Variants in MAMDC2 observed in about 807,000 individuals in gnomAD.
MAMDC2 encodes MAM domain containing 2.
In MAMDC2, 57 loss-of-function variants were observed where a neutral mutation model predicts 89.8. That is an observed-to-expected ratio of 0.63 (90% CI 0.51 to 0.79). The LOEUF (loss-of-function observed/expected upper bound fraction) is 0.79. MAMDC2 is among the 30% of genes least tolerant of loss of function. MAMDC2 has a pLI of 0.00. For missense variants in MAMDC2, 800 were observed against 820.6 expected, an observed-to-expected ratio of 0.97 and a Z score of 0.31; for synonymous variants, 313 against 293.4, an observed-to-expected ratio of 1.07 and a Z score of -0.68.
intron 11 of MAMDC2, among the ~76,000 whole-genome samples, chr9:70,192,042 C>G (rs911608056): frequency 2.0e-5 from 3 of 152,090 alleles, no homozygotes; most frequent in Non-Finnish European, 4.4e-5. Context: ...GGTTTCTCTG[C>G]CACTTGGCAG....
At chr9:70,095,404 G>T (rs1828004240) in intron 2 of MAMDC2, among the ~76,000 whole-genome samples, 1 of 152,164 alleles carries the variant, frequency 6.6e-6, no homozygotes, top group Non-Finnish European at 1.5e-5. Context: ...TTTGTAAGCT[G>T]GATCAGTGGA....
At chr9:70,184,805 T>C (rs2032716620) in intron 11 of MAMDC2, among the ~76,000 whole-genome samples, 1 of 152,140 alleles carries the variant, frequency 6.6e-6, no homozygotes, top group Non-Finnish European at 1.5e-5. Flanking sequence ...GGTTCTCGGC[T>C]TCCTTGCATT....
intron 9 of MAMDC2, among the ~76,000 whole-genome samples, chr9:70,159,013 GTATA>G (rs2031865614): frequency 6.7e-6 from 1 of 148,402 alleles, no homozygotes; most frequent in East Asian, 2.0e-4. Context: ...GACTGTATAT[GTATA>G]TATATAAACA....
At chr9:70,072,380 T>C (rs918868992) in intron 2 of MAMDC2, among the ~76,000 whole-genome samples, 16 of 152,302 alleles carry the variant, frequency 1.1e-4, no homozygotes, top group Admixed American at 2.6e-4. Flanking sequence ...GAGGCTTCTT[T>C]CCTCAAGGTA....
At chr9:70,216,909 A>G (rs2033457017) in intron 11 of MAMDC2, among the ~76,000 whole-genome samples, 2 of 152,144 alleles carry the variant, frequency 1.3e-5, no homozygotes, top group African/African-American at 4.8e-5. Context: ...TACATGTCCA[A>G]TTTCTGTAGT....
rs148383352 is a variant in MAMDC2 at position 70,185,457 on chromosome 9, C to T, written c.1651+14826C>T. Among the ~76,000 whole-genome samples the T allele has an allele frequency of 3.8e-3, 576 of 152,270 alleles. 2 individuals are homozygous for T. Among genetic ancestry groups the T allele is most frequent in the African/African-American group, 0.013 (549 of 41,560 alleles). ...CAGGATCCACTGTTCTCTTCAGAGCCGGCAGGGAGGGACATTTAAGTCCAC... is the reference window on the plus strand; with the variant it reads ...CAGGATCCACTGTTCTCTTCAGAGCTGGCAGGGAGGGACATTTAAGTCCAC... On this transcript the variant is annotated intron_variant, in intron 11 of 13. Coordinates refer to ENST00000377182, the MANE Select transcript of MAMDC2 (RefSeq NM_153267.5).
chr9:70,139,122 A>T (rs901322108), intron 7 of MAMDC2, among the ~76,000 whole-genome samples: 3 of 150,414 alleles, frequency 2.0e-5, no homozygotes, highest in South Asian at 2.1e-4. Flanking sequence ...TTATTTATTT[A>T]TTATTATTAT....
intron 2 of MAMDC2, among the ~76,000 whole-genome samples, chr9:70,090,102 T>TA (rs1292969019): frequency 1.4e-5 from 2 of 144,426 alleles, no homozygotes; most frequent in South Asian, 2.3e-4. Context: ...ACAACCCAAT[T>TA]AAAAAAATAG....
chr9:70,170,752 G>A, intron 11 of MAMDC2, 121 bp downstream of exon 11: 2 of 873,704 alleles, frequency 2.3e-6, no homozygotes, highest in Non-Finnish European at 3.4e-6. Context: ...AAATGCACTT[G>A]TGATTCTACA....
chr9:70,049,498 T>C (rs1407717711), intron 2 of MAMDC2, among the ~76,000 whole-genome samples: 1 of 152,054 alleles, frequency 6.6e-6, no homozygotes, highest in Non-Finnish European at 1.5e-5. Flanking sequence ...AGACTACAGC[T>C]CCTTTCCTGA....
intron 9 of MAMDC2, among the ~76,000 whole-genome samples, chr9:70,166,422 A>C (rs1170032943): frequency 1.3e-5 from 2 of 151,788 alleles, no homozygotes; most frequent in African/African-American, 2.4e-5. Flanking sequence ...GTCTAACATA[A>C]TTGTTGTAAA....
At chr9:70,178,175 G>T (rs2032554683) in intron 11 of MAMDC2, among the ~76,000 whole-genome samples, 1 of 152,146 alleles carries the variant, frequency 6.6e-6, no homozygotes, top group Non-Finnish European at 1.5e-5. Context: ...ATTTTGTGCT[G>T]CTATAACAGA....
chr9:70,194,635 C>G (rs538016435), intron 11 of MAMDC2: 1 of 152,230 alleles, frequency 6.6e-6, no homozygotes, highest in African/African-American at 2.4e-5. Context: ...AGACTCACAT[C>G]TGCTAATCTC....
At chr9:70,205,044 C>A (rs2033194992) in intron 11 of MAMDC2, among the ~76,000 whole-genome samples, 1 of 152,244 alleles carries the variant, frequency 6.6e-6, no homozygotes, top group South Asian at 2.1e-4. Context: ...GAGCTGTAGA[C>A]CAGAGCTGTT....
intron 9 of MAMDC2, among the ~76,000 whole-genome samples, chr9:70,155,682 A>G (rs368200589): frequency 2.0e-5 from 3 of 152,272 alleles, no homozygotes; most frequent in South Asian, 2.1e-4. Flanking sequence ...GGAAAGATGT[A>G]TCTTCAATTA....
rs572847426 is a variant in MAMDC2, at chr9:70,061,302, A to C, written c.148+16605A>C. 2.6e-5 allele frequency among the ~76,000 whole-genome samples: 4 copies of C among 152,310 alleles called. No homozygotes were observed. The East Asian group carries it at 7.7e-4, about 29-fold the overall frequency. On this transcript the variant is annotated intron_variant, in intron 2 of 13. Coordinates refer to ENST00000377182, the MANE Select transcript of MAMDC2 (RefSeq NM_153267.5). ...GGAAGCAGAAGTTTCTGTTGGTTAA[A>C]TGGTGTCTGCCTGACATCACACAGC...
chr9:70,082,711 C>T (rs1827680972), intron 2 of MAMDC2: 1 of 152,092 alleles, frequency 6.6e-6, no homozygotes, highest in African/African-American at 2.4e-5. Context: ...AGAAAGCCTG[C>T]TACAAGTGAC....
chr9:70,203,119 G>A (rs916840117), intron 11 of MAMDC2, among the ~76,000 whole-genome samples: 2 of 151,084 alleles, frequency 1.3e-5, no homozygotes, highest in Non-Finnish European at 3.0e-5. Flanking sequence ...TGGTGATTTT[G>A]CTCGTTAGTT....
intron 12 of MAMDC2, among the ~76,000 whole-genome samples, chr9:70,220,500 A>G (rs1467189155): frequency 6.6e-6 from 1 of 152,198 alleles, no homozygotes; most frequent in East Asian, 1.9e-4. Flanking sequence ...TAGTTGCTCC[A>G]AAACATCCTA....
Sources: gnomAD v4.1 joint callset for allele counts (sites outside exome capture counted in the v4.1 genomes callset) on GRCh38, gnomAD v4.1.1 for gene constraint, MANE v1.5 for transcripts, NCBI Gene and HGNC (gene_info 2026-07-23, HGNC 2026-07-21) for gene names.